DNAH11: variants seen among roughly 807,000 people sequenced by gnomAD.
DNAH11 encodes dynein axonemal heavy chain 11.
DNAH11 carries 442 observed loss-of-function variants against 526.0 expected under a neutral mutation model. The ratio of observed to expected loss-of-function variants is 0.84; its 90% CI spans 0.78 to 0.91. DNAH11 has a LOEUF of 0.91. Ranked by LOEUF, DNAH11 falls within the 40% of genes least tolerant of loss-of-function variation. The pLI is 0.00. For synonymous variants in DNAH11, 2,461 were observed against 1,935.9 expected (o/e 1.27, Z -7.12); for missense variants, 6,989 against 5,448.7 (o/e 1.28, Z -8.90).
At chr7:21,683,191 G>GTTCAAC (rs60109738) in intron 31 of DNAH11, among the ~76,000 whole-genome samples, 14,246 of 152,138 alleles carry the variant, frequency 0.094, 1,247 homozygotes, top group African/African-American at 0.23. Flanking sequence ...ATTTTGGTAA[G>GTTCAAC]TTCAACTGAT....
chr7:21,849,455 T>C (rs1170504865), intron 66 of DNAH11, among the ~76,000 whole-genome samples: 1 of 152,208 alleles, frequency 6.6e-6, no homozygotes, highest in East Asian at 1.9e-4. Flanking sequence ...ATATCATTTT[T>C]CTTGTCTATG....
At chr7:21,793,562 G>A (rs1788567248) in intron 61 of DNAH11, among the ~76,000 whole-genome samples, 1 of 151,036 alleles carries the variant, frequency 6.6e-6, no homozygotes, top group Non-Finnish European at 1.5e-5. Context: ...GCTGCAGGGA[G>A]CCGAGATCGT....
chr7:21,762,955 T>A (rs927695759), intron 54 of DNAH11, among the ~76,000 whole-genome samples: 3 of 152,182 alleles, frequency 2.0e-5, no homozygotes, highest in Non-Finnish European at 2.9e-5. Flanking sequence ...GGAGAAAATA[T>A]TTGCCAGCTG....
chr7:21,726,704 A>G (rs1304579253), intron 45 of DNAH11, among the ~76,000 whole-genome samples: 3 of 150,302 alleles, frequency 2.0e-5, no homozygotes, highest in African/African-American at 7.3e-5. Context: ...TACTAAAAAT[A>G]CAAAAAATTA....
At position 21,900,240 on chromosome 7, in the gene DNAH11, T is replaced by G. The variant is rs190438009; in HGVS notation, c.13303+120T>G. On this transcript the variant is annotated intron_variant, in intron 81 of 81. Transcript: ENST00000409508. ...TCACACAGTAACCTTATGCTAGTCATTATCTCATTTCTTCCTCTTAAATAA... is the reference window on the plus strand; with the variant it reads ...TCACACAGTAACCTTATGCTAGTCAGTATCTCATTTCTTCCTCTTAAATAA... The G allele has an allele frequency of 2.7e-4, 297 of 1,103,420 alleles. 1 individual carries two copies. The African/African-American group carries it at 4.0e-3, about 15-fold the overall frequency. The allele number at this position is 1,103,420 out of a possible 1,614,324, so 68.4% of individuals were successfully genotyped here. A position where few individuals can be genotyped will look rare whatever the true frequency, so the allele number is the denominator to read the frequency against.
Position 21,873,438 on chromosome 7 carries a change from C to G in DNAH11, c.12132C>G (p.Ile4044Met). ...PQGLLENSIK[I>M]TNEPPTGMLA... The stretch of plus-strand genomic sequence containing the variant: ...GACTCCTGGAAAATTCCATTAAGAT[C>G]ACTAATGAACCCCCAACAGGGATGC... Residue 4044 changes from isoleucine (I) to methionine (M), a missense_variant, in exon 74 of 82, where the codon ATC (isoleucine) becomes ATG (methionine). By Grantham distance (10) the Ile-to-Met change is conservative. Transcript: ENST00000409508. 6.2e-7 allele frequency: 1 copy of G among 1,613,952 alleles called. No individual in the cohort carries two copies. The highest frequency in any genetic ancestry group is 1.7e-5 in the Admixed American group (1 of 60,024).
rs141148667 is a variant in DNAH11 at position 21,763,577 on chromosome 7, C to G, written c.8941-1851C>G. 9.3e-3 allele frequency among the ~76,000 whole-genome samples: 1,416 copies of G among 151,458 alleles called. 16 individuals carry two copies. Among genetic ancestry groups the G allele is most frequent in the Non-Finnish European group, 0.013 (867 of 67,890 alleles). ...GTGGGAATGTAAAATGCTGCAACTA[C>G]TATGGAAAACAGTATGGTCGTTCCT... On this transcript the variant is annotated intron_variant, in intron 54 of 81. Coordinates refer to ENST00000409508, the MANE Select transcript of DNAH11 (RefSeq NM_001277115.2).
At chr7:21,584,247 C>T (rs1784410802) in intron 9 of DNAH11, among the ~76,000 whole-genome samples, 1 of 152,136 alleles carries the variant, frequency 6.6e-6, no homozygotes, top group Non-Finnish European at 1.5e-5. Flanking sequence ...ACTATGCAGC[C>T]ATAAAGAAGA....
chr7:21,820,050 T>C (rs1368715125), intron 65 of DNAH11, among the ~76,000 whole-genome samples: 1 of 152,166 alleles, frequency 6.6e-6, no homozygotes, highest in Non-Finnish European at 1.5e-5. Context: ...CAACCACTTG[T>C]TTGAGGGTGA....
Position 21,764,722 on chromosome 7 carries a change from C to T in DNAH11, c.8941-706C>T, listed in dbSNP as rs79714423. On this transcript the variant is annotated intron_variant, in intron 54 of 81. Transcript: ENST00000409508. ...GATGTCACAGCCACCCTCAGGACTC[C>T]GACAGAATCCCTTGTGTCCCTAAAA... Among the ~76,000 whole-genome samples, 778 of 152,220 alleles carry T rather than the reference C, an allele frequency of 5.1e-3. 9 individuals are homozygous for T. Among genetic ancestry groups the T allele is most frequent in the African/African-American group, 0.018 (741 of 41,538 alleles).
In DNAH11 at chr7:21,711,863, G is replaced by T; in HGVS notation, c.6983+3G>T. 1 of 1,605,714 alleles carries T rather than the reference G, an allele frequency of 6.2e-7. No homozygotes were observed. Among genetic ancestry groups the T allele is most frequent in the Non-Finnish European group, 8.5e-7 (1 of 1,175,410 alleles). ...CCACAAGATCTGGGCTGGAATCCGT[G>T]AGTATTTCTTTTTGTTTTATTGTAG... On this transcript the variant is annotated splice_donor_region_variant and intron_variant, in intron 42 of 81. Coordinates refer to ENST00000409508, the MANE Select transcript of DNAH11 (RefSeq NM_001277115.2).
At chr7:21,726,227 T>G (rs1364139130) in intron 45 of DNAH11, among the ~76,000 whole-genome samples, 1 of 152,086 alleles carries the variant, frequency 6.6e-6, no homozygotes, top group Non-Finnish European at 1.5e-5. Flanking sequence ...GGGGAGGTGC[T>G]GCACACTTTT....
rs1431815795 is a variant in DNAH11 at position 21,900,181 on chromosome 7, G to A, written c.13303+61G>A. 3.3e-6 allele frequency: 5 copies of A among 1,513,462 alleles called. No individual in the cohort carries two copies. The Admixed American group carries it at 1.1e-4, about 32-fold the overall frequency. The allele number at this position is 1,513,462 out of a possible 1,614,324, so 93.8% of individuals were successfully genotyped here. On this transcript the variant is annotated intron_variant, in intron 81 of 81. Coordinates refer to ENST00000409508, the MANE Select transcript of DNAH11 (RefSeq NM_001277115.2). ...CTTACTCAGGTTCAGATCAGTGTTT[G>A]TCCTCTGCTTACTGTTTCTCAGCAT...
At chr7:21,899,617 C>T (rs1045552992) in intron 80 of DNAH11, among the ~76,000 whole-genome samples, 169 bp downstream of exon 80, 1 of 152,104 alleles carries the variant, frequency 6.6e-6, no homozygotes, top group Admixed American at 6.5e-5. Context: ...CCTGGGCAGG[C>T]GAGTAGCAGC....
At chr7:21,736,336 A>C (rs1785609035) in intron 46 of DNAH11, among the ~76,000 whole-genome samples, 1 of 152,232 alleles carries the variant, frequency 6.6e-6, no homozygotes. Context: ...AGAACCACAC[A>C]GATTTGGGGC....
In DNAH11 at chr7:21,717,783, C is replaced by T; in HGVS notation, c.6992C>T (p.Ala2331Val). ...PQDLGWNPYV[A>V]SWIDRRRHQS... ...TCTGTGTTCCTTTTCAGGTATGTGG[C>T]CAGTTGGATAGACAGAAGGCGGCAT... The change falls in exon 43 of 82, where the codon GCC (alanine) becomes GTC (valine). Residue 2331 changes from alanine (A) to valine (V), a missense_variant. Ala to Val is a moderately conservative substitution (Grantham distance 64, BLOSUM62 0). Coordinates refer to ENST00000409508, the MANE Select transcript of DNAH11 (RefSeq NM_001277115.2). 2.5e-6 allele frequency: 4 copies of T among 1,613,600 alleles called. No homozygotes were observed. The highest frequency in any genetic ancestry group is 3.4e-6 in the Non-Finnish European group (4 of 1,179,758).
chr7:21,647,290 G>C (rs1053714887), intron 28 of DNAH11, among the ~76,000 whole-genome samples: 2 of 151,944 alleles, frequency 1.3e-5, no homozygotes, highest in African/African-American at 4.8e-5. Flanking sequence ...TGCTCAGATT[G>C]GTCAAAACAA....
At chr7:21,556,790 G>T (rs754458492) in intron 2 of DNAH11, among the ~76,000 whole-genome samples, 2 of 152,116 alleles carry the variant, frequency 1.3e-5, no homozygotes, top group African/African-American at 4.8e-5. Flanking sequence ...GGCCAGGTGC[G>T]GTGGCTCGCA....
intron 62 of DNAH11, 140 bp downstream of exon 62, chr7:21,801,415 C>G: frequency 1.7e-6 from 2 of 1,153,786 alleles, no homozygotes; most frequent in Non-Finnish European, 2.4e-6. Context: ...CATCCTGTGG[C>G]TCTAACTCAC....
Sources: allele counts gnomAD v4.1 joint callset (sites outside exome capture counted in the v4.1 genomes callset), GRCh38; gene constraint gnomAD v4.1.1; transcripts MANE v1.5; gene names NCBI Gene and HGNC (gene_info 2026-07-23, HGNC 2026-07-21).